Variants in TRAF6 observed in about 807,000 individuals in gnomAD.
TRAF6 encodes TNF receptor associated factor 6, also known as TNF receptor-associated factor 6.
TRAF6 carries 10 observed loss-of-function variants against 48.4 expected under a neutral mutation model. That is an observed-to-expected ratio of 0.21 (90% CI 0.13 to 0.35). The LOEUF (loss-of-function observed/expected upper bound fraction) is 0.35. TRAF6 is among the 10% of genes least tolerant of loss of function. TRAF6 has a pLI of 1.00. For missense variants in TRAF6, 397 were observed against 661.0 expected (o/e 0.60, Z 4.38); for synonymous variants, 186 against 219.6 (o/e 0.85, Z 1.35).
chr11:36,491,596 A>G (rs1304345237), intron 6 of TRAF6, among the ~76,000 whole-genome samples: 1 of 152,266 alleles, frequency 6.6e-6, no homozygotes, highest in African/African-American at 2.4e-5. Context: ...ACAATGATCA[A>G]TCTCAGACAT....
rs1022735801 is a variant in TRAF6 at position 36,495,027 on chromosome 11, A to G, written c.627T>C (p.Pro209=). ...AGTATTCACAGATGACATTTGCCAA[A>G]GGACAGTTCTGGTCATGGATCTGAA... The part of the protein sequence containing the change: ...EDKEIHDQNC[P]LANVICEYCN... The change falls in exon 5 of 7, where the codon CCT becomes CCC. Residue 209 remains proline, a synonymous_variant. Transcript: ENST00000526995. 3.1e-6 allele frequency: 5 copies of G among 1,605,768 alleles called. No individual in the cohort carries two copies. In the Admixed American group the frequency reaches 6.7e-5, roughly 21 times the overall value.
At chr11:36,497,564 C>T (rs1203011351) in intron 3 of TRAF6, among the ~76,000 whole-genome samples, 1 of 152,162 alleles carries the variant, frequency 6.6e-6, no homozygotes, top group Non-Finnish European at 1.5e-5. Context: ...AGGCCACTCT[C>T]TTTTAAGAGC....
chr11:36,492,720 G>C, intron 5 of TRAF6, 92 bp from the exon 6 acceptor site: 2 of 964,302 alleles, frequency 2.1e-6, no homozygotes, highest in Non-Finnish European at 3.2e-6. Context: ...GTCAATGGCT[G>C]CTTTGTACCA....
At chr11:36,509,495 C>T (rs908777717) in intron 1 of TRAF6, among the ~76,000 whole-genome samples, 28 of 152,068 alleles carry the variant, frequency 1.8e-4, no homozygotes, top group African/African-American at 6.5e-4. Context: ...AATAGCTTTC[C>T]CATGACAGTG....
intron 3 of TRAF6, 21 bp from the exon 4 acceptor site, chr11:36,497,287 GAT>G: frequency 6.2e-7 from 1 of 1,601,472 alleles, no homozygotes; most frequent in Non-Finnish European, 8.5e-7. Context: ...AAAAATAATG[GAT>G]TAGCATTAGC....
At position 36,489,473 on chromosome 11, in the gene TRAF6, G is replaced by T; in HGVS notation, c.*365C>A. The T allele has an allele frequency of 4.9e-6, 1 of 202,128 alleles. No individual in the cohort carries two copies. 12.5% of individuals were successfully genotyped at this position (202,128 alleles called of 1,614,324 possible). On this transcript the variant is annotated 3_prime_UTR_variant, in exon 7 of 7. Transcript: ENST00000526995. Reference sequence around the variant, plus strand: ...ACTACAAAAAGACTGAAGTTTTAAGGAAAATCCATTATTATTAAAAGTTTA... The same window carrying T: ...ACTACAAAAAGACTGAAGTTTTAAGTAAAATCCATTATTATTAAAAGTTTA...
intron 1 of TRAF6, among the ~76,000 whole-genome samples, chr11:36,505,413 ATC>A (rs913827144): frequency 2.0e-5 from 3 of 152,260 alleles, no homozygotes; most frequent in Admixed American, 6.5e-5. Context: ...TCATAAACCA[ATC>A]TCTGTTAGCT....
At position 36,485,340 on chromosome 11, in the gene TRAF6, G is replaced by T. The variant is rs147953530; in HGVS notation, c.*4498C>A. ...GTATTTGAGTGTGTGCAACGTGCCAGGCACTGTGGTAAGAAGAGGGGATTC... is the reference window on the plus strand; with the variant it reads ...GTATTTGAGTGTGTGCAACGTGCCATGCACTGTGGTAAGAAGAGGGGATTC... On this transcript the variant is annotated 3_prime_UTR_variant, in exon 7 of 7. Transcript: ENST00000526995. Among the ~76,000 whole-genome samples, 5 of 152,282 alleles carry T rather than the reference G, an allele frequency of 3.3e-5. No homozygotes were observed. The highest frequency in any genetic ancestry group is 1.2e-4 in the African/African-American group (5 of 41,524).
Position 36,489,716 on chromosome 11 carries a change from A to G in TRAF6, c.*122T>C, listed in dbSNP as rs1859534855. 4 of 1,098,744 alleles carry G rather than the reference A, an allele frequency of 3.6e-6. No individual in the cohort carries two copies. In the East Asian group the frequency reaches 7.1e-5, roughly 20 times the overall value. The allele number at this position is 1,098,744 out of a possible 1,614,324, so 68.1% of individuals were successfully genotyped here. On this transcript the variant is annotated 3_prime_UTR_variant, in exon 7 of 7. Coordinates refer to ENST00000526995, the MANE Select transcript of TRAF6 (RefSeq NM_004620.4). Reference sequence around the variant, plus strand: ...GAAGAAATAGTAAGTGACCTCTCTAACAACACTCACTAGTAGATATTACAT... The same window carrying G: ...GAAGAAATAGTAAGTGACCTCTCTAGCAACACTCACTAGTAGATATTACAT...
chr11:36,492,506 T>G (rs1335989378), intron 6 of TRAF6, 45 bp downstream of exon 6: 2 of 1,420,588 alleles, frequency 1.4e-6, no homozygotes, highest in Non-Finnish European at 2.0e-6. Context: ...ATGTAAATAT[T>G]TTTTTTTACT....
chr11:36,495,189 G>A (rs191584585), intron 4 of TRAF6, 142 bp from the exon 5 acceptor site: 43 of 589,302 alleles, frequency 7.3e-5, no homozygotes, highest in Non-Finnish European at 1.3e-4. Flanking sequence ...GAAAGTGAGA[G>A]TAATATATAA....
In TRAF6 at chr11:36,487,457, G is replaced by C. The variant is rs992905300; in HGVS notation, c.*2381C>G. On this transcript the variant is annotated 3_prime_UTR_variant, in exon 7 of 7. Coordinates refer to ENST00000526995, the MANE Select transcript of TRAF6 (RefSeq NM_004620.4). ...GTTTATGACAAAATGCCAAATGTTG[G>C]GGGTTAAAATTGCTCATTTTACTTA... The C allele has an allele frequency of 7.9e-5, 12 of 152,184 alleles. No individual in the cohort carries two copies. Among genetic ancestry groups the C allele is most frequent in the African/African-American group, 1.9e-4 (8 of 41,438 alleles). The allele number at this position is 152,184 out of a possible 1,614,324, so 9.4% of individuals were successfully genotyped here. A position where few individuals can be genotyped will look rare whatever the true frequency, so the allele number is the denominator to read the frequency against.
intron 1 of TRAF6, among the ~76,000 whole-genome samples, chr11:36,503,031 G>T (rs912263916): frequency 3.9e-5 from 6 of 152,170 alleles, no homozygotes; most frequent in African/African-American, 1.4e-4. Flanking sequence ...ACTTACCTAA[G>T]ATTACCCAAC....
intron 1 of TRAF6, among the ~76,000 whole-genome samples, chr11:36,508,028 G>C (rs2133681988): frequency 6.6e-6 from 1 of 151,254 alleles, no homozygotes; most frequent in East Asian, 2.0e-4. Flanking sequence ...GTTAATTTTT[G>C]TATTTTTTTG....
chr11:36,501,073 A>G, intron 2 of TRAF6, 147 bp downstream of exon 2: 1 of 799,520 alleles, frequency 1.3e-6, no homozygotes, highest in South Asian at 2.3e-5. Flanking sequence ...TAAGAATCTA[A>G]CTTTCTCAAT....
Position 36,501,549 on chromosome 11 carries a change from G to T in TRAF6, c.-22-12C>A. On this transcript the variant is annotated splice_polypyrimidine_tract_variant and intron_variant, in intron 1 of 6. Transcript: ENST00000526995. ...GATTATCACTTGCTCTGTAGAAATA[G>T]CAAGAAAAAAATGCCTTTATAAGTA... 2 of 1,541,154 alleles carry T rather than the reference G, an allele frequency of 1.3e-6. No homozygotes were observed. The highest frequency in any genetic ancestry group is 1.7e-6 in the Non-Finnish European group (2 of 1,144,150).
chr11:36,507,567 G>A (rs367818268), intron 1 of TRAF6, among the ~76,000 whole-genome samples: 1 of 2,966 alleles, frequency 3.4e-4, no homozygotes, highest in African/African-American at 3.7e-4. Context: ...ATATATACAT[G>A]TATATGTATA....
At position 36,485,768 on chromosome 11, in the gene TRAF6, T is replaced by C. The variant is rs1473341501; in HGVS notation, c.*4070A>G. Among the ~76,000 whole-genome samples the C allele has an allele frequency of 6.6e-6, 1 of 152,132 alleles. No individual in the cohort carries two copies. Among genetic ancestry groups the C allele is most frequent in the Non-Finnish European group, 1.5e-5 (1 of 68,036 alleles). On this transcript the variant is annotated 3_prime_UTR_variant, in exon 7 of 7. Coordinates refer to ENST00000526995, the MANE Select transcript of TRAF6 (RefSeq NM_004620.4). ...TTTTGACTGAAAGTGAAGGCTGTAA[T>C]TGAGTGTCACAGTCTGCCAAGATCC... is the stretch of plus-strand genomic sequence containing the variant.
chr11:36,498,676 G>T (rs2133673104), intron 2 of TRAF6, 36 bp from the exon 3 acceptor site: 1 of 1,558,670 alleles, frequency 6.4e-7, no homozygotes, highest in Non-Finnish European at 8.6e-7. Context: ...TAGATTTAAA[G>T]ACTCACATTA....
Sources: gnomAD v4.1 joint callset for allele counts (sites outside exome capture counted in the v4.1 genomes callset) on GRCh38, gnomAD v4.1.1 for gene constraint, MANE v1.5 for transcripts, NCBI Gene and HGNC (gene_info 2026-07-23, HGNC 2026-07-21) for gene names.